COMMD2: variants seen among roughly 807,000 people sequenced by gnomAD.
COMMD2 encodes the protein COMM domain containing 2, also known as COMM domain-containing protein 2.
In COMMD2, 25 loss-of-function variants were observed where a neutral mutation model predicts 22.5. The observed-to-expected ratio is 1.11, with a 90% CI of 0.81 to 1.55. The LOEUF is 1.55. Among genes scored for constraint, COMMD2 ranks in the 40% most tolerant of loss-of-function variants. The pLI is 0.00. For synonymous variants in COMMD2, 98 were observed against 91.2 expected, an observed-to-expected ratio of 1.07 and a Z score of -0.42; for missense variants, 223 against 232.9, an observed-to-expected ratio of 0.96 and a Z score of 0.28.
At chr3:149,744,383 G>A (rs540854008) in intron 4 of COMMD2, among the ~76,000 whole-genome samples, 1 of 152,246 alleles carries the variant, frequency 6.6e-6, no homozygotes, top group South Asian at 2.1e-4. Context: ...GGCAAGACAG[G>A]AAAAGAATGC....
intron 2 of COMMD2, 34 bp from the exon 3 acceptor site, chr3:149,751,519 T>A (rs773394269): frequency 6.6e-7 from 1 of 1,514,016 alleles, no homozygotes; most frequent in Non-Finnish European, 9.0e-7. Context: ...GCAAATAAAT[T>A]ACTACTGTAG....
Position 149,741,508 on chromosome 3 carries a change from CT to C in COMMD2, c.*12del. ...ATAAGTGATTCAAATGAATTAAAAC[CT>C]TAAAACTGGTACTACTTGATGTTGC... On this transcript the variant is annotated 3_prime_UTR_variant, in exon 5 of 5. Transcript: ENST00000473414. 6.2e-7 allele frequency: 1 copy of C among 1,603,388 alleles called. No individual in the cohort carries two copies. The highest frequency in any genetic ancestry group is 8.5e-7 in the Non-Finnish European group (1 of 1,170,398).
intron 4 of COMMD2, among the ~76,000 whole-genome samples, chr3:149,748,696 C>A (rs1345684666): frequency 9.9e-5 from 15 of 152,206 alleles, no homozygotes; most frequent in Non-Finnish European, 1.2e-4. Context: ...TGCCCTTGTA[C>A]TTTGAAAGCA....
intron 4 of COMMD2, among the ~76,000 whole-genome samples, chr3:149,749,017 T>C (rs890560392): frequency 6.6e-6 from 1 of 150,858 alleles, no homozygotes; most frequent in African/African-American, 2.5e-5. Flanking sequence ...TGTCTCTCTC[T>C]CTTTTTTTTT....
chr3:149,751,120 T>G (rs1419666581), intron 3 of COMMD2, among the ~76,000 whole-genome samples: 2 of 152,178 alleles, frequency 1.3e-5, no homozygotes, highest in African/African-American at 4.8e-5. Flanking sequence ...AACAAAATAC[T>G]GATACAGTCT....
chr3:149,750,933 T>A, intron 3 of COMMD2, 82 bp from the exon 4 acceptor site: 2 of 890,738 alleles, frequency 2.2e-6, no homozygotes, highest in Non-Finnish European at 1.6e-6. Context: ...GAATATGATA[T>A]CCTCTAATTT....
At position 149,752,253 on chromosome 3, in the gene COMMD2, G is replaced by A. The variant is rs775311488; in HGVS notation, c.102C>T (p.Phe34=). The change falls in exon 2 of 5, where the codon TTC becomes TTT. Residue 34 remains phenylalanine (F), a synonymous_variant. Transcript: ENST00000473414. The stretch of plus-strand genomic sequence containing the variant: ...TTTTTGGGTTTGCGCCGCGTCTCAG[G>A]AATTCCACAGCAATCCGCCCAAACT... ...VAEFGRIAVE[F]LRRGANPKIY... is the part of the protein sequence containing the mutation. The A allele has an allele frequency of 6.2e-7, 1 of 1,614,108 alleles. No homozygotes were observed. Among genetic ancestry groups the A allele is most frequent in the South Asian group, 1.1e-5 (1 of 91,078 alleles).
chr3:149,751,797 CAG>C (rs140793419), intron 2 of COMMD2: 48 of 278,552 alleles, frequency 1.7e-4, no homozygotes, highest in Non-Finnish European at 2.7e-4. Context: ...GACTTAATCC[CAG>C]AGACTGCCTC....
At chr3:149,748,214 G>C (rs1415959179) in intron 4 of COMMD2, among the ~76,000 whole-genome samples, 1 of 151,898 alleles carries the variant, frequency 6.6e-6, no homozygotes, top group African/African-American at 2.4e-5. Flanking sequence ...TTCATCAAGA[G>C]GAACAGGAGA....
chr3:149,750,929 G>A (rs1559856220), intron 3 of COMMD2, 78 bp from the exon 4 acceptor site: 3 of 918,656 alleles, frequency 3.3e-6, no homozygotes. Flanking sequence ...AAAAGAATAT[G>A]ATATCCTCTA....
At chr3:149,749,491 T>C (rs1716469555) in intron 4 of COMMD2, among the ~76,000 whole-genome samples, 1 of 152,234 alleles carries the variant, frequency 6.6e-6, no homozygotes, top group Non-Finnish European at 1.5e-5. Flanking sequence ...AAAATCCTGA[T>C]GCTCAGGCTG....
At chr3:149,741,773 CATA>C (rs1716236443) in intron 4 of COMMD2, 55 bp from the exon 5 acceptor site, 1 of 1,283,108 alleles carries the variant, frequency 7.8e-7, no homozygotes, top group South Asian at 1.2e-5. Context: ...ATGCTGAATA[CATA>C]ATATTTATAA....
intron 4 of COMMD2, among the ~76,000 whole-genome samples, chr3:149,748,016 G>T (rs959446391): frequency 4.0e-5 from 6 of 151,572 alleles, no homozygotes; most frequent in South Asian, 2.1e-4. Context: ...GCAGTAGGAG[G>T]AGTACATGGA....
chr3:149,747,038 A>G (rs1234932220), intron 4 of COMMD2, among the ~76,000 whole-genome samples: 2 of 152,198 alleles, frequency 1.3e-5, no homozygotes, highest in Non-Finnish European at 2.9e-5. Context: ...ACCCTTGACA[A>G]GAGGGATTAT....
chr3:149,752,184 C>CG lies in COMMD2; in HGVS notation c.145+25dup, dbSNP rs751625679. 5 of 1,603,704 alleles carry CG rather than the reference C, an allele frequency of 3.1e-6. No homozygotes were observed. In the South Asian group the frequency reaches 4.4e-5, roughly 14 times the overall value. On this transcript the variant is annotated intron_variant, in intron 2 of 4. Transcript: ENST00000473414. ...GGCTCGCAACCGCCCTAGAAGCCTG[C>CG]GGAGCCTTCCCCTTTCCCTTCTTAC...
Position 149,750,669 on chromosome 3 carries a change from A to T in COMMD2, c.402+9T>A. ...ATTCTATGTTAAGTTAATTTTAAAA[A>T]TGCTATACCTGTACATCTAGTCGCC... On this transcript the variant is annotated intron_variant, in intron 4 of 4. Coordinates refer to ENST00000473414, the MANE Select transcript of COMMD2 (RefSeq NM_016094.4). 6.6e-7 allele frequency: 1 copy of T among 1,516,720 alleles called. No individual in the cohort carries two copies. Among genetic ancestry groups the T allele is most frequent in the Non-Finnish European group, 8.9e-7 (1 of 1,127,748 alleles). The allele number at this position is 1,516,720 out of a possible 1,614,324, so 94.0% of individuals were successfully genotyped here. A position where few individuals can be genotyped will look rare whatever the true frequency, so the allele number is the denominator to read the frequency against.
intron 4 of COMMD2, 71 bp from the exon 5 acceptor site, chr3:149,741,789 A>G: frequency 8.7e-7 from 1 of 1,155,064 alleles, no homozygotes; most frequent in Non-Finnish European, 1.3e-6. Flanking sequence ...ATTTATAATT[A>G]TCTTAAACCA....
intron 4 of COMMD2, among the ~76,000 whole-genome samples, chr3:149,743,447 G>A (rs1002780449): frequency 2.6e-5 from 4 of 152,074 alleles, no homozygotes; most frequent in African/African-American, 9.7e-5. Flanking sequence ...AACTTGAAGG[G>A]ATTTTCAAGT....
rs1356174960 is a variant in COMMD2 at position 149,741,355 on chromosome 3, T to C, written c.*166A>G. The C allele has an allele frequency of 2.0e-5, 13 of 640,630 alleles. No homozygotes were observed. Among genetic ancestry groups the C allele is most frequent in the African/African-American group, 1.8e-5 (1 of 54,310 alleles). 39.7% of individuals were successfully genotyped at this position (640,630 alleles called of 1,614,324 possible). On this transcript the variant is annotated 3_prime_UTR_variant, in exon 5 of 5. Coordinates refer to ENST00000473414, the MANE Select transcript of COMMD2 (RefSeq NM_016094.4). ...TGCTGGGATAACTGGCATGAGCCACTGCACCCAGCTTAGCTTCTGATTATG... is the reference window on the plus strand; with the variant it reads ...TGCTGGGATAACTGGCATGAGCCACCGCACCCAGCTTAGCTTCTGATTATG...
Sources: gnomAD v4.1 joint callset for allele counts (sites outside exome capture counted in the v4.1 genomes callset) on GRCh38, gnomAD v4.1.1 for gene constraint, MANE v1.5 for transcripts, NCBI Gene and HGNC (gene_info 2026-07-23, HGNC 2026-07-21) for gene names.